The following LECT2 variants were observed in gnomAD, a reference collection of about 807,000 sequenced individuals.
LECT2 encodes leukocyte cell derived chemotaxin 2.
LECT2 carries 11 observed loss-of-function variants against 16.6 expected under a neutral mutation model. The observed-to-expected ratio is 0.66, with a 90% CI of 0.42 to 1.09. LECT2 has a LOEUF of 1.09. LECT2 is among the 50% of genes least tolerant of loss of function. The pLI is 0.00. For synonymous variants in LECT2, 54 were observed against 64.8 expected, an observed-to-expected ratio of 0.83 and a Z score of 0.80; for missense variants, 173 against 184.2, an observed-to-expected ratio of 0.94 and a Z score of 0.35.
chr5:135,947,675 A>T (rs370069317), intron 3 of LECT2, among the ~76,000 whole-genome samples, 178 bp from the exon 4 acceptor site: 8 of 152,226 alleles, frequency 5.3e-5, no homozygotes, highest in East Asian at 1.9e-4. Flanking sequence ...ATGCCAAAGG[A>T]AGAATAGATT....
chr5:135,950,563 G>A (rs542147767), intron 3 of LECT2, among the ~76,000 whole-genome samples: 1 of 152,290 alleles, frequency 6.6e-6, no homozygotes, highest in South Asian at 2.1e-4. Context: ...TGGATGTGTT[G>A]TGCACTTTTA....
intron 3 of LECT2, among the ~76,000 whole-genome samples, chr5:135,948,284 A>G (rs189938666): frequency 1.3e-5 from 2 of 152,370 alleles, no homozygotes; most frequent in African/African-American, 2.4e-5. Context: ...CAAGTCATCT[A>G]TATAAAGCAG....
chr5:135,951,323 TC>T lies in LECT2; in HGVS notation c.188del (p.Gly63AspfsTer11), dbSNP rs1232421040. The T allele has an allele frequency of 6.2e-7, 1 of 1,613,932 alleles. No individual in the cohort carries two copies. The highest frequency in any genetic ancestry group is 8.5e-7 in the Non-Finnish European group (1 of 1,179,822). On this transcript the variant is annotated frameshift_variant, in exon 3 of 4. Coordinates refer to ENST00000274507, the MANE Select transcript of LECT2 (RefSeq NM_002302.3). LOFTEE classifies it high-confidence loss of function. ...HQGVDILCSA[G>X]STVYAPFTGM... Reference sequence around the variant, plus strand: ...CAGTGAATGGTGCGTACACAGTAGATCCAGCAGAGCACAAGATGTCCACACC... The same window carrying T: ...CAGTGAATGGTGCGTACACAGTAGATCAGCAGAGCACAAGATGTCCACACC...
At chr5:135,952,747 T>C (rs1281295139) in intron 2 of LECT2, 124 bp downstream of exon 2, 1 of 649,978 alleles carries the variant, frequency 1.5e-6, no homozygotes. Flanking sequence ...ATGTAACTGG[T>C]TACATCTCTG....
intron 3 of LECT2, among the ~76,000 whole-genome samples, chr5:135,950,563 G>T (rs542147767): frequency 6.6e-6 from 1 of 152,172 alleles, no homozygotes; most frequent in African/African-American, 2.4e-5. Flanking sequence ...TGGATGTGTT[G>T]TGCACTTTTA....
chr5:135,951,662 G>A (rs1763798970), intron 2 of LECT2: 1 of 295,996 alleles, frequency 3.4e-6, no homozygotes, highest in Non-Finnish European at 6.2e-6. Flanking sequence ...GGGGAATGAG[G>A]CAGTCCATGT....
intron 3 of LECT2, among the ~76,000 whole-genome samples, chr5:135,950,023 TACAGAGG>T (rs1380758798): frequency 6.6e-6 from 1 of 152,330 alleles, no homozygotes; most frequent in East Asian, 1.9e-4. Context: ...GACATTGGCC[TACAGAGG>T]ACAACCACTA....
chr5:135,953,408 G>T (rs1307803285), intron 1 of LECT2, among the ~76,000 whole-genome samples: 1 of 152,068 alleles, frequency 6.6e-6, no homozygotes, highest in East Asian at 1.9e-4. Flanking sequence ...CACCATGTTG[G>T]TCAGGACGGT....
chr5:135,947,347 G>A lies in LECT2; in HGVS notation c.440C>T (p.Pro147Leu). ...VHIENCDSSD[P>L]TAYL ...GCCTTCGATTTACAGGTATGCAGTA[G>A]GGTCACTCGAGTCACAGTTTTCAAT... Residue 147 changes from proline to leucine, a missense_variant, in exon 4 of 4, where the codon CCT (proline) becomes CTT (leucine). Transcript: ENST00000274507. 1 of 1,613,818 alleles carries A rather than the reference G, an allele frequency of 6.2e-7. No homozygotes were observed. Among genetic ancestry groups the A allele is most frequent in the Non-Finnish European group, 8.5e-7 (1 of 1,179,802 alleles).
In LECT2 at chr5:135,947,159, T is replaced by G; in HGVS notation, c.*172A>C. 1.6e-5 allele frequency: 9 copies of G among 559,606 alleles called. No homozygotes were observed. Among genetic ancestry groups the G allele is most frequent in the Non-Finnish European group, 2.8e-5 (9 of 326,164 alleles). The allele number at this position is 559,606 out of a possible 1,614,324, so 34.7% of individuals were successfully genotyped here. A position where few individuals can be genotyped will look rare whatever the true frequency, so the allele number is the denominator to read the frequency against. ...TAGGTGTATTTGTTTATGAGGTACG[T>G]GAGATGTTTTGATACAGGCATGCAA... On this transcript the variant is annotated 3_prime_UTR_variant, in exon 4 of 4. Coordinates refer to ENST00000274507, the MANE Select transcript of LECT2 (RefSeq NM_002302.3).
intron 1 of LECT2, among the ~76,000 whole-genome samples, chr5:135,953,363 A>C (rs1763822391): frequency 6.6e-6 from 1 of 151,952 alleles, no homozygotes; most frequent in Non-Finnish European, 1.5e-5. Flanking sequence ...CACCACACCC[A>C]GCTAATTTTT....
intron 3 of LECT2, among the ~76,000 whole-genome samples, chr5:135,948,044 T>G (rs1677442490): frequency 6.6e-6 from 1 of 152,110 alleles, no homozygotes; most frequent in African/African-American, 2.4e-5. Flanking sequence ...CTGTATGGAA[T>G]AAAACACAGC....
At chr5:135,949,943 C>A (rs1763767523) in intron 3 of LECT2, among the ~76,000 whole-genome samples, 1 of 152,228 alleles carries the variant, frequency 6.6e-6, no homozygotes, top group South Asian at 2.1e-4. Flanking sequence ...CTTCTGCTCT[C>A]ACTGACCTTG....
At chr5:135,950,566 C>A (rs745592378) in intron 3 of LECT2, among the ~76,000 whole-genome samples, 82 of 152,286 alleles carry the variant, frequency 5.4e-4, no homozygotes, top group Admixed American at 1.9e-3. Flanking sequence ...ATGTGTTGTG[C>A]ACTTTTATGT....
In LECT2 at chr5:135,947,327, C is replaced by T. The variant is rs549417296; in HGVS notation, c.*4G>A. On this transcript the variant is annotated 3_prime_UTR_variant, in exon 4 of 4. Coordinates refer to ENST00000274507, the MANE Select transcript of LECT2 (RefSeq NM_002302.3). ...TTTTGAAGATCTGACCATTGGCCTT[C>T]GATTTACAGGTATGCAGTAGGGTCA... The T allele has an allele frequency of 1.1e-5, 17 of 1,611,376 alleles. No individual in the cohort carries two copies. In the South Asian group the frequency reaches 1.1e-4, roughly 10 times the overall value.
intron 3 of LECT2, among the ~76,000 whole-genome samples, chr5:135,949,930 C>G (rs114295329): frequency 0.04 from 6,106 of 152,310 alleles, 253 homozygotes; most frequent in African/African-American, 0.11. Flanking sequence ...AATCTGATTA[C>G]TGCTTCTGCT....
In LECT2 at chr5:135,947,439, C is replaced by T. The variant is rs200523056; in HGVS notation, c.348G>A (p.Lys116=). 15 of 1,613,948 alleles carry T rather than the reference C, an allele frequency of 9.3e-6. No individual in the cohort carries two copies. The highest frequency in any genetic ancestry group is 3.3e-4 in the Middle Eastern group (2 of 6,058). The change falls in exon 4 of 4, where the codon AAG becomes AAA. Residue 116 remains lysine (K), a synonymous_variant. Transcript: ENST00000274507. ...KPIKYKGPIK[K]GEKLGTLLPL... is the part of the protein sequence containing the mutation. ...GCAATAGAGTTCCAAGTTTTTCTCC[C>T]TTCTTAATAGGACCTTTATACTTAA...
intron 1 of LECT2, 69 bp downstream of exon 1, chr5:135,954,719 T>G (rs1763837880): frequency 8.8e-7 from 1 of 1,139,774 alleles, no homozygotes; most frequent in Non-Finnish European, 1.3e-6. Context: ...CTTTTTAATC[T>G]TTTTAGTCTT....
At chr5:135,950,226 A>G (rs920601472) in intron 3 of LECT2, among the ~76,000 whole-genome samples, 3 of 152,258 alleles carry the variant, frequency 2.0e-5, no homozygotes, top group African/African-American at 7.2e-5. Context: ...CATCTGAGGA[A>G]GAATAGATAA....
Sources: allele counts gnomAD v4.1 joint callset (sites outside exome capture counted in the v4.1 genomes callset), GRCh38; gene constraint gnomAD v4.1.1; transcripts MANE v1.5; gene names NCBI Gene and HGNC (gene_info 2026-07-23, HGNC 2026-07-21).